ADTRP: variants seen among roughly 807,000 people sequenced by gnomAD.
ADTRP encodes the protein androgen dependent TFPI regulating protein.
ADTRP carries 20 observed loss-of-function variants against 27.0 expected under a neutral mutation model. The observed-to-expected ratio is 0.74, with a 90% CI of 0.52 to 1.08. ADTRP has a LOEUF of 1.08. ADTRP is among the 50% of genes least tolerant of loss of function. ADTRP has a pLI of 0.00. For synonymous variants in ADTRP, 101 were observed against 105.2 expected, an observed-to-expected ratio of 0.96 and a Z score of 0.25; for missense variants, 251 against 275.0, an observed-to-expected ratio of 0.91 and a Z score of 0.62.
intron 3 of ADTRP, among the ~76,000 whole-genome samples, chr6:11,754,107 T>A (rs1308045783): frequency 6.6e-6 from 1 of 152,182 alleles, no homozygotes; most frequent in African/African-American, 2.4e-5. Context: ...TGAGTGAGAA[T>A]CAACAGAATC....
At chr6:11,774,850 T>G (rs1763901889) in intron 1 of ADTRP, among the ~76,000 whole-genome samples, 1 of 152,120 alleles carries the variant, frequency 6.6e-6, no homozygotes, top group Non-Finnish European at 1.5e-5. Context: ...TGGATGGAAA[T>G]GGGGTGGACA....
chr6:11,745,844 G>A lies in ADTRP; in HGVS notation c.391-10161C>T, dbSNP rs183904117. Among the ~76,000 whole-genome samples the A allele has an allele frequency of 7.6e-4, 116 of 152,036 alleles. 2 individuals are homozygous for A. The highest frequency in any genetic ancestry group is 6.2e-3 in the Admixed American group (95 of 15,280). ...CTTGCTCTGTCACCCAGGCTGGAGC[G>A]CAGTGACATGATCTCGGCTCACTGC... On this transcript the variant is annotated intron_variant, in intron 3 of 5. Coordinates refer to ENST00000414691, the MANE Select transcript of ADTRP (RefSeq NM_032744.4).
chr6:11,744,377 T>A (rs1207100000), intron 3 of ADTRP, among the ~76,000 whole-genome samples: 1 of 152,154 alleles, frequency 6.6e-6, no homozygotes, highest in Non-Finnish European at 1.5e-5. Flanking sequence ...TGGACTAACA[T>A]GGGGGCTACA....
At chr6:11,731,342 C>T (rs777064487) in intron 4 of ADTRP, among the ~76,000 whole-genome samples, 1 of 152,148 alleles carries the variant, frequency 6.6e-6, no homozygotes, top group African/African-American at 2.4e-5. Context: ...GCACTATTGT[C>T]AAGAATGACA....
At chr6:11,756,202 A>G (rs1057411444) in intron 3 of ADTRP, among the ~76,000 whole-genome samples, 13 of 152,134 alleles carry the variant, frequency 8.5e-5, no homozygotes, top group African/African-American at 2.7e-4. Context: ...TCTCTAGCAA[A>G]CACAAAAAAT....
chr6:11,765,902 T>C (rs1462815479), intron 3 of ADTRP, among the ~76,000 whole-genome samples: 1 of 151,144 alleles, frequency 6.6e-6, no homozygotes, highest in Non-Finnish European at 1.5e-5. Flanking sequence ...TGAGATATTC[T>C]TTGGATGTTG....
chr6:11,759,598 G>C (rs1368237763), intron 3 of ADTRP, among the ~76,000 whole-genome samples: 3 of 152,118 alleles, frequency 2.0e-5, no homozygotes, highest in African/African-American at 7.2e-5. Context: ...GGTGAAAAGG[G>C]TTACAATGCA....
chr6:11,732,899 G>A (rs935525509), intron 4 of ADTRP, among the ~76,000 whole-genome samples: 1 of 152,216 alleles, frequency 6.6e-6, no homozygotes, highest in Non-Finnish European at 1.5e-5. Flanking sequence ...GCATTTAGCT[G>A]AATGGTTTTG....
At chr6:11,748,526 T>C (rs760384183) in intron 3 of ADTRP, among the ~76,000 whole-genome samples, 2 of 152,208 alleles carry the variant, frequency 1.3e-5, no homozygotes, top group Non-Finnish European at 2.9e-5. Flanking sequence ...GTCCCTGGCC[T>C]TGCAGACCTT....
At position 11,766,277 on chromosome 6, in the gene ADTRP, TGCATGATTCAGCCA is replaced by T; in HGVS notation, c.373_386del (p.Trp125AsnfsTer12). The T allele has an allele frequency of 6.2e-7, 1 of 1,609,104 alleles. No individual in the cohort carries two copies. The highest frequency in any genetic ancestry group is 8.5e-7 in the Non-Finnish European group (1 of 1,176,872). On this transcript the variant is annotated frameshift_variant, in exon 3 of 6. Coordinates refer to ENST00000414691, the MANE Select transcript of ADTRP (RefSeq NM_032744.4). LOFTEE classifies it high-confidence loss of function. Reference sequence around the variant, plus strand: ...ACTGAATTTTCCCCTCACTCACCATTGCATGATTCAGCCACACGGGGATGACAGTATCTAGGACC... The same window carrying T: ...ACTGAATTTTCCCCTCACTCACCATTCACGGGGATGACAGTATCTAGGACC...
At chr6:11,744,576 C>T (rs1223829834) in intron 3 of ADTRP, among the ~76,000 whole-genome samples, 1 of 152,168 alleles carries the variant, frequency 6.6e-6, no homozygotes, top group African/African-American at 2.4e-5. Flanking sequence ...TGTGGCTCTA[C>T]ATTCTGAGAT....
At chr6:11,743,204 C>T (rs1266937630) in intron 3 of ADTRP, among the ~76,000 whole-genome samples, 3 of 152,064 alleles carry the variant, frequency 2.0e-5, no homozygotes, top group South Asian at 2.1e-4. Flanking sequence ...GTGTTTTTTT[C>T]CCCTTCCTTT....
intron 1 of ADTRP, chr6:11,770,001 C>A: frequency 6.4e-7 from 1 of 1,551,256 alleles, no homozygotes; most frequent in Non-Finnish European, 8.7e-7. Context: ...CTCCCCCGCC[C>A]ACCACCATTT....
intron 3 of ADTRP, among the ~76,000 whole-genome samples, chr6:11,751,901 A>G (rs1763067154): frequency 6.6e-6 from 1 of 152,252 alleles, no homozygotes. Flanking sequence ...CTATGAAGAA[A>G]TCAGCTATCG....
intron 1 of ADTRP, among the ~76,000 whole-genome samples, chr6:11,773,869 ACTTGCTCAATAATTTATAGCTG>A (rs560588448): frequency 2.0e-5 from 3 of 152,354 alleles, no homozygotes; most frequent in African/African-American, 7.2e-5. Flanking sequence ...TGTCATAGTT[ACTTGCTCAATAATTTATAGCTG>A]CTTTATTTTG....
At chr6:11,723,767 G>A (rs532843072) in intron 4 of ADTRP, among the ~76,000 whole-genome samples, 2 of 152,170 alleles carry the variant, frequency 1.3e-5, no homozygotes, top group South Asian at 2.1e-4. Flanking sequence ...AAAAATATAA[G>A]AGAACATAGG....
At position 11,735,558 on chromosome 6, in the gene ADTRP, T is replaced by G. The variant is rs1203844345; in HGVS notation, c.506+10A>C. 1 of 1,601,194 alleles carries G rather than the reference T, an allele frequency of 6.2e-7. No individual in the cohort carries two copies. Among genetic ancestry groups the G allele is most frequent in the Admixed American group, 1.7e-5 (1 of 59,840 alleles). On this transcript the variant is annotated intron_variant, in intron 4 of 5. Transcript: ENST00000414691. The stretch of plus-strand genomic sequence containing the variant: ...CAAGCCTAAGTTGACTTTCTCCATG[T>G]AATTCTTACCGGCTGATGTAAGCAA...
chr6:11,750,406 G>A lies in ADTRP; in HGVS notation c.391-14723C>T, dbSNP rs75876361. Reference sequence around the variant, plus strand: ...CTGATACTAACAGCCAAGTAAATCAGGCAATCCTGGGTGCATTAAAACCCA... The same window carrying A: ...CTGATACTAACAGCCAAGTAAATCAAGCAATCCTGGGTGCATTAAAACCCA... On this transcript the variant is annotated intron_variant, in intron 3 of 5. Transcript: ENST00000414691. Among the ~76,000 whole-genome samples, 570 of 152,310 alleles carry A rather than the reference G, an allele frequency of 3.7e-3. 8 individuals carry two copies. In the South Asian group the frequency reaches 0.054, roughly 14 times the overall value.
intron 3 of ADTRP, among the ~76,000 whole-genome samples, chr6:11,739,499 G>T (rs1413043647): frequency 2.6e-5 from 4 of 152,156 alleles, no homozygotes; most frequent in African/African-American, 9.7e-5. Flanking sequence ...ATATCTTGGA[G>T]TGAGAACTAC....
Sources: allele counts gnomAD v4.1 joint callset (sites outside exome capture counted in the v4.1 genomes callset), GRCh38; gene constraint gnomAD v4.1.1; transcripts MANE v1.5; gene names NCBI Gene and HGNC (gene_info 2026-07-23, HGNC 2026-07-21).